Variants in KCNAB1 observed in about 807,000 individuals in gnomAD.
The protein encoded by KCNAB1 is voltage-gated potassium channel subunit beta-1.
In KCNAB1, 35 loss-of-function variants were observed where a neutral mutation model predicts 64.6. The observed-to-expected ratio is 0.54, with a 90% confidence interval of 0.41 to 0.72. KCNAB1 has a LOEUF of 0.72. Among genes scored for constraint, KCNAB1 ranks in the 30% least tolerant of loss-of-function variants. The pLI is 0.00. For synonymous variants in KCNAB1, 177 were observed against 183.8 expected, an observed-to-expected ratio of 0.96 and a Z score of 0.30; for missense variants, 401 against 512.9, an observed-to-expected ratio of 0.78 and a Z score of 2.11.
intron 1 of KCNAB1, chr3:156,143,569 G>GTTTTTTTGTTTTT (rs1553807970): frequency 6.7e-6 from 2 of 297,038 alleles, no homozygotes; most frequent in Non-Finnish European, 5.8e-6. Context: ...TTGCATTCTT[G>GTTTTTTTGTTTTT]TTTTTTTTTT....
intron 1 of KCNAB1, among the ~76,000 whole-genome samples, chr3:156,376,700 A>G (rs548676030): frequency 1.3e-5 from 2 of 152,238 alleles, no homozygotes; most frequent in African/African-American, 2.4e-5. Context: ...GGCTGGAAAG[A>G]AAAGGGAGAA....
chr3:156,125,509 T>G (rs1327535197), intron 1 of KCNAB1, among the ~76,000 whole-genome samples: 3 of 152,210 alleles, frequency 2.0e-5, no homozygotes, highest in Admixed American at 2.0e-4. Context: ...TTTCAAACGA[T>G]AGTTGACTGA....
intron 1 of KCNAB1, among the ~76,000 whole-genome samples, chr3:156,352,796 G>C (rs1380027275): frequency 6.6e-6 from 1 of 152,228 alleles, no homozygotes; most frequent in Non-Finnish European, 1.5e-5. Context: ...TTTGGGCAGA[G>C]GGTGTCAGCC....
intron 1 of KCNAB1, among the ~76,000 whole-genome samples, chr3:156,402,025 A>G (rs1256933520): frequency 9.9e-5 from 15 of 152,182 alleles, no homozygotes; most frequent in Non-Finnish European, 4.4e-5. Context: ...GGGGAGGGAT[A>G]GCATTAAGAG....
At chr3:156,218,803 A>AATAC (rs1560142173) in intron 1 of KCNAB1, among the ~76,000 whole-genome samples, 2 of 138,170 alleles carry the variant, frequency 1.4e-5, no homozygotes, top group East Asian at 4.2e-4. Context: ...AAAAAAAAAA[A>AATAC]TAATAATAAA....
intron 2 of KCNAB1, among the ~76,000 whole-genome samples, chr3:156,444,203 G>A (rs1158495846): frequency 1.3e-5 from 2 of 152,220 alleles, no homozygotes; most frequent in Non-Finnish European, 2.9e-5. Context: ...CAAGCACCCA[G>A]ACATAGGTCT....
chr3:156,364,514 C>T (rs979113906), intron 1 of KCNAB1, among the ~76,000 whole-genome samples: 3 of 152,200 alleles, frequency 2.0e-5, no homozygotes, highest in Non-Finnish European at 2.9e-5. Flanking sequence ...CACGGTGGCT[C>T]ACACCTGTAA....
intron 13 of KCNAB1, 86 bp from the exon 14 acceptor site, chr3:156,536,572 A>G: frequency 2.3e-6 from 2 of 884,860 alleles, no homozygotes; most frequent in Non-Finnish European, 3.8e-6. Context: ...ATATGATTCT[A>G]GATTACTTTG....
intron 1 of KCNAB1, among the ~76,000 whole-genome samples, chr3:156,390,528 G>A (rs1049976774): frequency 8.0e-6 from 1 of 124,424 alleles, no homozygotes; most frequent in Non-Finnish European, 1.7e-5. Context: ...TTTCTTTGTG[G>A]TTGGTTTCCT....
chr3:156,232,537 AG>A (rs1003191768), intron 1 of KCNAB1, among the ~76,000 whole-genome samples: 5 of 152,256 alleles, frequency 3.3e-5, no homozygotes, highest in Non-Finnish European at 7.3e-5. Flanking sequence ...CTTGGCCAAG[AG>A]GGCAAGGATA....
chr3:156,245,155 C>T (rs1158295470), intron 1 of KCNAB1, among the ~76,000 whole-genome samples: 1 of 152,214 alleles, frequency 6.6e-6, no homozygotes, highest in Non-Finnish European at 1.5e-5. Context: ...GGTTGCTTCT[C>T]AACTGTCCTT....
At chr3:156,167,718 A>G (rs1458524445) in intron 1 of KCNAB1, among the ~76,000 whole-genome samples, 2 of 152,226 alleles carry the variant, frequency 1.3e-5, no homozygotes, top group African/African-American at 4.8e-5. Flanking sequence ...TTGAGATTGA[A>G]TTATAAGATT....
chr3:156,193,508 TGG>T (rs1414452641), intron 1 of KCNAB1, among the ~76,000 whole-genome samples: 2 of 152,188 alleles, frequency 1.3e-5, no homozygotes, highest in African/African-American at 4.8e-5. Context: ...TGCCCGAGGC[TGG>T]GTAATTTATA....
intron 1 of KCNAB1, chr3:156,143,484 G>T: frequency 9.0e-7 from 1 of 1,113,198 alleles, no homozygotes. Flanking sequence ...TGTTATTAAA[G>T]AAATAAGGAC....
Position 156,479,772 on chromosome 3 carries a change from A to AT in KCNAB1, c.658+4958dup, listed in dbSNP as rs1714653696. On this transcript the variant is annotated intron_variant, in intron 8 of 13. Transcript: ENST00000490337. ...ATGCTGATAACGGTTCCAGTTATTAATTTTTTCCTGCCAGCAGATCAGCAC... is the reference window on the plus strand; with the variant it reads ...ATGCTGATAACGGTTCCAGTTATTAATTTTTTTCCTGCCAGCAGATCAGCAC... 4.6e-5 allele frequency among the ~76,000 whole-genome samples: 7 copies of AT among 152,134 alleles called. No homozygotes were observed. The South Asian group carries it at 1.0e-3, about 23-fold the overall frequency.
intron 7 of KCNAB1, among the ~76,000 whole-genome samples, chr3:156,471,985 C>A (rs951205382): frequency 3.3e-4 from 50 of 152,162 alleles, no homozygotes; most frequent in African/African-American, 1.2e-3. Flanking sequence ...CAGCCCAAAT[C>A]AGTACCCTGA....
intron 1 of KCNAB1, among the ~76,000 whole-genome samples, chr3:156,323,158 G>A (rs1349543038): frequency 6.6e-6 from 1 of 151,986 alleles, no homozygotes; most frequent in Non-Finnish European, 1.5e-5. Context: ...TTTTAAGATT[G>A]GGGGCTCACC....
intron 1 of KCNAB1, among the ~76,000 whole-genome samples, chr3:156,129,253 C>T (rs1713847402): frequency 1.3e-5 from 2 of 152,060 alleles, no homozygotes; most frequent in Admixed American, 6.6e-5. Context: ...TCTTTTTGAG[C>T]CTTCGTTATT....
intron 1 of KCNAB1, among the ~76,000 whole-genome samples, chr3:156,359,614 T>C (rs1725474755): frequency 6.6e-6 from 1 of 152,152 alleles, no homozygotes; most frequent in African/African-American, 2.4e-5. Flanking sequence ...CAATGAATGA[T>C]TTGCTTATGT....
Sources: allele counts gnomAD v4.1 joint callset (sites outside exome capture counted in the v4.1 genomes callset), GRCh38; gene constraint gnomAD v4.1.1; transcripts MANE v1.5; gene names NCBI Gene and HGNC (gene_info 2026-07-23, HGNC 2026-07-21).